OGA: variants seen among roughly 807,000 people sequenced by gnomAD.
OGA encodes the protein protein O-GlcNAcase.
A neutral mutation model predicts 102.0 loss-of-function variants in OGA; 21 were observed. That is an observed-to-expected ratio of 0.21 (90% CI 0.15 to 0.30). The LOEUF (loss-of-function observed/expected upper bound fraction) is 0.30. Ranked by LOEUF, OGA falls within the 10% of genes least tolerant of loss-of-function variation. The pLI is 1.00. For missense variants in OGA, 765 were observed against 1,107.8 expected, an observed-to-expected ratio of 0.69 and a Z score of 4.39; for synonymous variants, 408 against 378.2, an observed-to-expected ratio of 1.08 and a Z score of -0.91.
At chr10:101,790,523 C>T (rs1232768340) in intron 14 of OGA, among the ~76,000 whole-genome samples, 2 of 152,062 alleles carry the variant, frequency 1.3e-5, no homozygotes, top group South Asian at 2.1e-4. Context: ...GTGATACACC[C>T]GCCTTGGCCT....
chr10:101,804,963 G>C (rs1183149637), intron 6 of OGA, among the ~76,000 whole-genome samples: 1 of 152,098 alleles, frequency 6.6e-6, no homozygotes, highest in Non-Finnish European at 1.5e-5. Flanking sequence ...TTATAAAATA[G>C]AAGAGTTTCC....
In OGA at chr10:101,790,890, T is replaced by TA; in HGVS notation, c.2454+5dup. On this transcript the variant is annotated splice_donor_region_variant and intron_variant, in intron 14 of 15. Coordinates refer to ENST00000361464, the MANE Select transcript of OGA (RefSeq NM_012215.5). ...ACCATAGTATAATTCTTAACCTTTGTATTACCTCAGCCTCAGAGAGTTCCT... is the reference window on the plus strand; with the variant it reads ...ACCATAGTATAATTCTTAACCTTTGTAATTACCTCAGCCTCAGAGAGTTCCT... 1 of 1,576,146 alleles carries TA rather than the reference T, an allele frequency of 6.3e-7. No individual in the cohort carries two copies.
rs1476104850 is a variant in OGA at position 101,815,961 on chromosome 10, GAGAAAAAA to G, written c.199+1855_199+1862del. Among the ~76,000 whole-genome samples the G allele has an allele frequency of 7.9e-3, 187 of 23,784 alleles. 1 individual carries two copies. Among genetic ancestry groups the G allele is most frequent in the African/African-American group, 0.035 (159 of 4,510 alleles). 15.6% of individuals were successfully genotyped at this position (23,784 alleles called of 152,430 possible). ...TGCCAACCAAGAGGTATCAAAAAGA[GAGAAAAAA>G]AAAAAAAAAAAAAAAAAAAAAGCCA... On this transcript the variant is annotated intron_variant, in intron 1 of 15. Transcript: ENST00000361464.
intron 9 of OGA, 45 bp from the exon 10 acceptor site, chr10:101,798,199 A>T: frequency 6.3e-7 from 1 of 1,577,236 alleles, no homozygotes; most frequent in Non-Finnish European, 8.7e-7. Flanking sequence ...TAAGCTTAAC[A>T]AAATAATCTG....
In OGA at chr10:101,803,008, G is replaced by A. The variant is rs1197157219; in HGVS notation, c.1036+727C>T. ...AAAAAAAAAAAAAAAAAAAAAAGCC[G>A]GGTGTGCCTGCAATCCCAGCTACTC... On this transcript the variant is annotated intron_variant, in intron 7 of 15. Transcript: ENST00000361464. 2.2e-3 allele frequency among the ~76,000 whole-genome samples: 315 copies of A among 145,498 alleles called. 2 individuals carry two copies. Among genetic ancestry groups the A allele is most frequent in the African/African-American group, 7.1e-3 (279 of 39,274 alleles).
intron 4 of OGA, 69 bp downstream of exon 4, chr10:101,810,115 A>C: frequency 7.3e-7 from 1 of 1,377,172 alleles, no homozygotes; most frequent in Non-Finnish European, 1.0e-6. Context: ...TAACATCGTA[A>C]AAGCAACTGA....
At chr10:101,791,112 A>C (rs749732104) in intron 13 of OGA, 24 bp from the exon 14 acceptor site, 1 of 1,574,110 alleles carries the variant, frequency 6.4e-7, no homozygotes, top group Admixed American at 2.1e-5. Flanking sequence ...AAGAGGCCAC[A>C]GTAAACTTTT....
At chr10:101,792,186 T>A (rs1564640368) in intron 12 of OGA, among the ~76,000 whole-genome samples, 1 of 151,880 alleles carries the variant, frequency 6.6e-6, no homozygotes, top group Non-Finnish European at 1.5e-5. Context: ...ACCCAGCTAA[T>A]TTTTTTTGTA....
At position 101,802,293 on chromosome 10, in the gene OGA, C is replaced by T. The variant is rs188302976; in HGVS notation, c.1036+1442G>A. ...ATAATCACTCTCTCCCGTGTTCACA[C>T]AGCACTTTATAAATTAAACTATTAC... On this transcript the variant is annotated intron_variant, in intron 7 of 15. Coordinates refer to ENST00000361464, the MANE Select transcript of OGA (RefSeq NM_012215.5). Among the ~76,000 whole-genome samples, 28 of 152,328 alleles carry T rather than the reference C, an allele frequency of 1.8e-4. 1 individual carries two copies. The highest frequency in any genetic ancestry group is 6.5e-4 in the African/African-American group (27 of 41,564).
chr10:101,787,562 C>G (rs182385094), intron 14 of OGA, 39 bp from the exon 15 acceptor site: 3 of 1,554,742 alleles, frequency 1.9e-6, no homozygotes, highest in Non-Finnish European at 2.6e-6. Context: ...ACAATAGTTA[C>G]GCATTAGATA....
intron 15 of OGA, 110 bp from the exon 16 acceptor site, chr10:101,786,697 T>C: frequency 2.2e-6 from 2 of 898,192 alleles, no homozygotes; most frequent in Non-Finnish European, 3.1e-6. Context: ...CTTGTCTGTC[T>C]ACACCAGCTC....
At chr10:101,787,804 C>T (rs763182304) in intron 14 of OGA, 1 of 286,140 alleles carries the variant, frequency 3.5e-6, no homozygotes, top group Non-Finnish European at 6.8e-6. Flanking sequence ...ATCGTCAGGG[C>T]TGGTCTCGAA....
At chr10:101,806,844 C>T (rs768906486) in intron 5 of OGA, among the ~76,000 whole-genome samples, 2 of 152,098 alleles carry the variant, frequency 1.3e-5, no homozygotes, top group Non-Finnish European at 1.5e-5. Context: ...GAGGCTGAAG[C>T]GGGTGGATCA....
chr10:101,813,464 C>T (rs1205598095), intron 2 of OGA, 91 bp downstream of exon 2: 3 of 817,294 alleles, frequency 3.7e-6, no homozygotes, highest in Non-Finnish European at 5.8e-6. Flanking sequence ...TCAAAATGCA[C>T]CTGGGCTATT....
intron 4 of OGA, among the ~76,000 whole-genome samples, chr10:101,809,114 T>C (rs1032195937): frequency 6.6e-6 from 1 of 152,198 alleles, no homozygotes; most frequent in Non-Finnish European, 1.5e-5. Flanking sequence ...CAGACATCTC[T>C]TCGTCCATAT....
At chr10:101,798,795 T>C (rs1564643480) in intron 9 of OGA, 47 bp downstream of exon 9, 4 of 1,569,136 alleles carry the variant, frequency 2.5e-6, no homozygotes, top group South Asian at 1.2e-5. Flanking sequence ...ATTACCAGTA[T>C]GGGGAACCAC....
At chr10:101,789,011 GTTA>G (rs2065224894) in intron 14 of OGA, among the ~76,000 whole-genome samples, 1 of 152,122 alleles carries the variant, frequency 6.6e-6, no homozygotes, top group African/African-American at 2.4e-5. Context: ...CAAATTTTAT[GTTA>G]TTTATATTTT....
chr10:101,800,198 A>G, intron 8 of OGA, 44 bp downstream of exon 8: 1 of 1,582,172 alleles, frequency 6.3e-7, no homozygotes, highest in Non-Finnish European at 8.7e-7. Flanking sequence ...TTTGTGACTC[A>G]ACTATGTGAT....
chr10:101,788,045 G>A (rs1354911239), intron 14 of OGA: 1 of 151,302 alleles, frequency 6.6e-6, no homozygotes, highest in Admixed American at 6.5e-5. Context: ...GCAAGAGAAT[G>A]GCGTGAACCC....
Sources: allele counts gnomAD v4.1 joint callset (sites outside exome capture counted in the v4.1 genomes callset), GRCh38; gene constraint gnomAD v4.1.1; transcripts MANE v1.5; gene names NCBI Gene and HGNC (gene_info 2026-07-23, HGNC 2026-07-21).